Variants in DGKA observed in about 807,000 individuals in gnomAD.
The protein encoded by DGKA is 80 kDa diacylglycerol kinase.
A neutral mutation model predicts 105.0 loss-of-function variants in DGKA; 35 were observed. The observed-to-expected ratio is 0.33, with a 90% confidence interval of 0.25 to 0.44. The LOEUF is 0.44. Among genes scored for constraint, DGKA ranks in the 20% least tolerant of loss-of-function variants. The pLI is 1.00. For missense variants in DGKA, 665 were observed against 915.0 expected, an observed-to-expected ratio of 0.73 and a Z score of 3.53; for synonymous variants, 296 against 332.0, an observed-to-expected ratio of 0.89 and a Z score of 1.18.
chr12:55,936,690 T>C, intron 2 of DGKA, 123 bp downstream of exon 2: 1 of 1,348,816 alleles, frequency 7.4e-7, no homozygotes, highest in Non-Finnish European at 1.0e-6. Context: ...TGCTCAGATG[T>C]GCCCATGACT....
chr12:55,949,783 G>T (rs947018669), intron 17 of DGKA, among the ~76,000 whole-genome samples: 43 of 152,040 alleles, frequency 2.8e-4, no homozygotes, highest in African/African-American at 9.9e-4. Context: ...TCATAGGCTT[G>T]TTTGTATTAT....
At position 55,938,538 on chromosome 12, in the gene DGKA, G is replaced by T; in HGVS notation, c.377G>T (p.Arg126Ile). The T allele has an allele frequency of 6.2e-7, 1 of 1,614,172 alleles. No homozygotes were observed. The highest frequency in any genetic ancestry group is 1.1e-5 in the South Asian group (1 of 91,090). ...ACCTTCAAGCTGTACGACACGGACA[G>T]AAATGGGATCCTGGACAGCTCAGTG... is the stretch of plus-strand genomic sequence containing the variant. Reference protein sequence around the residue: ...EFTFKLYDTDRNGILDSSEVD... With the variant: ...EFTFKLYDTDINGILDSSEVD... Residue 126 changes from arginine to isoleucine, a missense_variant, in exon 6 of 24, where the codon AGA (arginine) becomes ATA (isoleucine). Physicochemically the swap from Arg to Ile is moderately conservative, Grantham distance 97. Coordinates refer to ENST00000331886, the MANE Select transcript of DGKA (RefSeq NM_001345.5).
At chr12:55,947,081 G>C (rs1163079386) in intron 17 of DGKA, among the ~76,000 whole-genome samples, 1 of 151,228 alleles carries the variant, frequency 6.6e-6, no homozygotes, top group Admixed American at 6.6e-5. Context: ...CACCTCCCGG[G>C]TTCAAGCGAT....
rs1887200990 is a variant in DGKA at position 55,947,107 on chromosome 12, T to C, written c.1427-4516T>C. Reference sequence around the variant, plus strand: ...TTCAAGCGATTCTCCTGCCTCAGCCTCCCGAGTAGCTGGAATTACAGGCAT... The same window carrying C: ...TTCAAGCGATTCTCCTGCCTCAGCCCCCCGAGTAGCTGGAATTACAGGCAT... On this transcript the variant is annotated intron_variant, in intron 17 of 23. Transcript: ENST00000331886. 2.7e-5 allele frequency among the ~76,000 whole-genome samples: 4 copies of C among 150,646 alleles called. No individual in the cohort carries two copies. In the South Asian group the frequency reaches 8.5e-4, roughly 32 times the overall value.
chr12:55,944,244 G>C (rs1247415108), intron 17 of DGKA, among the ~76,000 whole-genome samples: 1 of 152,158 alleles, frequency 6.6e-6, no homozygotes, highest in Non-Finnish European at 1.5e-5. Context: ...AGGCTGCAAT[G>C]AGCTATGATT....
chr12:55,952,113 G>A lies in DGKA; in HGVS notation c.1652+14G>A, dbSNP rs1174504544. ...GTTCAACAGCAGGTTAGGGAAAGGA[G>A]GGGGCAGTGTGGGCATACACAGTGT... On this transcript the variant is annotated intron_variant, in intron 19 of 23. Coordinates refer to ENST00000331886, the MANE Select transcript of DGKA (RefSeq NM_001345.5). The surrounding 1 kb of genome is among the most constrained non-coding windows in gnomAD (Gnocchi z 5.1). 3 of 1,614,044 alleles carry A rather than the reference G, an allele frequency of 1.9e-6. No homozygotes were observed. The highest frequency in any genetic ancestry group is 2.5e-6 in the Non-Finnish European group (3 of 1,180,000).
chr12:55,941,688 G>C lies in DGKA; in HGVS notation c.1250+104G>C, dbSNP rs918702168. On this transcript the variant is annotated intron_variant, in intron 15 of 23. Transcript: ENST00000331886. ...AGTGCAGATTGGGAGAGGAGGGCTA[G>C]AGATCCCCAAGAGGCCAGAATTCAG... 5 of 1,228,588 alleles carry C rather than the reference G, an allele frequency of 4.1e-6. No individual in the cohort carries two copies. In the African/African-American group the frequency reaches 6.0e-5, roughly 15 times the overall value. The allele number at this position is 1,228,588 out of a possible 1,614,324, so 76.1% of individuals were successfully genotyped here.
intron 17 of DGKA, among the ~76,000 whole-genome samples, chr12:55,948,361 A>C (rs905859405): frequency 6.6e-6 from 1 of 150,912 alleles, no homozygotes; most frequent in Non-Finnish European, 1.5e-5. Flanking sequence ...AGATCATGCC[A>C]CTGCACTTCA....
intron 8 of DGKA, 53 bp from the exon 9 acceptor site, chr12:55,939,362 G>C (rs1014597492): frequency 8.4e-5 from 135 of 1,613,562 alleles, no homozygotes; most frequent in Non-Finnish European, 1.1e-4. Context: ...TGCTTGCCCG[G>C]ATTGGCCCTG....
chr12:55,936,637 AC>A (rs1884767936), intron 2 of DGKA, 70 bp downstream of exon 2: 1 of 1,599,078 alleles, frequency 6.3e-7, no homozygotes, highest in South Asian at 1.1e-5. Context: ...TCCTCATTAC[AC>A]CCCCTGCCCC....
upstream of DGKA, chr12:55,930,945 A>C (rs1883548528): frequency 6.6e-6 from 1 of 152,160 alleles, no homozygotes; most frequent in Non-Finnish European, 1.5e-5. Context: ...AAAAGTATGT[A>C]TATATTATGT....
Position 55,932,279 on chromosome 12 carries a change from G to T in DGKA, c.-82+935G>T, listed in dbSNP as rs1224902589. 5.8e-6 allele frequency: 3 copies of T among 519,262 alleles called. No homozygotes were observed. The highest frequency in any genetic ancestry group is 1.0e-5 in the Non-Finnish European group (3 of 285,970). The allele number at this position is 519,262 out of a possible 1,614,324, so 32.2% of individuals were successfully genotyped here. Reference sequence around the variant, plus strand: ...GGGTATCGAGAAGGGTCTGCGCTGGGACGCGGGGGTGCAGCGGGAGGGCTG... The same window carrying T: ...GGGTATCGAGAAGGGTCTGCGCTGGTACGCGGGGGTGCAGCGGGAGGGCTG... On this transcript the variant is annotated intron_variant, in intron 1 of 23. Transcript: ENST00000331886. The surrounding 1 kb of genome is among the most constrained non-coding windows in gnomAD (Gnocchi z 4.3).
In DGKA at chr12:55,932,315, C is replaced by G; in HGVS notation, c.-82+971C>G. 1 of 559,558 alleles carries G rather than the reference C, an allele frequency of 1.8e-6. No homozygotes were observed. The highest frequency in any genetic ancestry group is 3.2e-6 in the Non-Finnish European group (1 of 311,172). 34.7% of individuals were successfully genotyped at this position (559,558 alleles called of 1,614,324 possible). A position where few individuals can be genotyped will look rare whatever the true frequency, so the allele number is the denominator to read the frequency against. On this transcript the variant is annotated intron_variant, in intron 1 of 23. Transcript: ENST00000331886. The surrounding 1 kb of genome is among the most constrained non-coding windows in gnomAD (Gnocchi z 4.3). ...GCAGCGGGAGGGCTGGGCCCGAACC[C>G]GGTGGGTAACGTTTCCCAGACCTTC...
chr12:55,932,284 G>A lies in DGKA; in HGVS notation c.-82+940G>A. ...TCGAGAAGGGTCTGCGCTGGGACGC[G>A]GGGGTGCAGCGGGAGGGCTGGGCCC... On this transcript the variant is annotated intron_variant, in intron 1 of 23. Coordinates refer to ENST00000331886, the MANE Select transcript of DGKA (RefSeq NM_001345.5). The surrounding 1 kb of genome is among the most constrained non-coding windows in gnomAD (Gnocchi z 4.3). The A allele has an allele frequency of 3.8e-6, 2 of 523,984 alleles. No individual in the cohort carries two copies. The highest frequency in any genetic ancestry group is 2.1e-5 in the South Asian group (1 of 47,884). The allele number at this position is 523,984 out of a possible 1,614,324, so 32.5% of individuals were successfully genotyped here. A position where few individuals can be genotyped will look rare whatever the true frequency, so the allele number is the denominator to read the frequency against.
Position 55,952,709 on chromosome 12 carries a change from C to G in DGKA, c.1744-25C>G. ...AGGTGAGGATCTGTACCCTCCCTAA[C>G]TGGGACTGTGCCCCCTCCTCTCAGA... On this transcript the variant is annotated intron_variant, in intron 20 of 23. Transcript: ENST00000331886. The surrounding 1 kb of genome is among the most constrained non-coding windows in gnomAD (Gnocchi z 5.1). 1 of 1,613,324 alleles carries G rather than the reference C, an allele frequency of 6.2e-7. No homozygotes were observed. The highest frequency in any genetic ancestry group is 2.2e-5 in the East Asian group (1 of 44,872).
chr12:55,941,829 A>G (rs1886072203), intron 15 of DGKA, among the ~76,000 whole-genome samples, 169 bp from the exon 16 acceptor site: 1 of 152,202 alleles, frequency 6.6e-6, no homozygotes, highest in Non-Finnish European at 1.5e-5. Flanking sequence ...AGGAGTGGCT[A>G]TAACTTTCCC....
chr12:55,928,167 G>A (rs893795931), upstream of DGKA: 3 of 194,454 alleles, frequency 1.5e-5, no homozygotes, highest in Admixed American at 6.0e-5. Flanking sequence ...TTCCCCTACA[G>A]CCTGAGAGGA....
chr12:55,933,194 A>G (rs187835440), intron 1 of DGKA, among the ~76,000 whole-genome samples: 5 of 152,334 alleles, frequency 3.3e-5, no homozygotes, highest in African/African-American at 4.8e-5. Flanking sequence ...CTAGAGTCTG[A>G]CTGTGCCCTT....
At chr12:55,927,869 C>T (rs1169685313), upstream of DGKA, 3 of 1,414,096 alleles carry the variant, frequency 2.1e-6, no homozygotes, top group Admixed American at 4.5e-5. Context: ...CTAGTTGCTT[C>T]TCGCCCAGAC....
Sources: gnomAD v4.1 joint callset for allele counts (sites outside exome capture counted in the v4.1 genomes callset) on GRCh38, gnomAD v4.1.1 for gene constraint, Gnocchi (gnomAD v3.1) non-coding constraint, MANE v1.5 for transcripts, NCBI Gene and HGNC (gene_info 2026-07-23, HGNC 2026-07-21) for gene names.